Variants in UNC13C observed in about 807,000 individuals in gnomAD.
UNC13C encodes protein unc-13 homolog C.
Under a neutral mutation model 245.4 loss-of-function variants are expected in UNC13C, and 174 were observed. That is an observed-to-expected ratio of 0.71 (90% CI 0.63 to 0.80). The LOEUF (loss-of-function observed/expected upper bound fraction) is 0.80. Among genes scored for constraint, UNC13C ranks in the 30% least tolerant of loss-of-function variants. The pLI, the probability that UNC13C is intolerant of heterozygous loss-of-function variation, is 0.00. For synonymous variants in UNC13C, 992 were observed against 895.1 expected, an observed-to-expected ratio of 1.11 and a Z score of -1.93; for missense variants, 2,829 against 2,602.9, an observed-to-expected ratio of 1.09 and a Z score of -1.89.
chr15:54,569,016 G>C (rs1318040782), intron 30 of UNC13C, among the ~76,000 whole-genome samples: 3 of 152,126 alleles, frequency 2.0e-5, no homozygotes, highest in Non-Finnish European at 4.4e-5. Context: ...ATTGTCAAGA[G>C]ATGCAGAAAT....
chr15:54,480,535 A>G (rs941492829), intron 19 of UNC13C, among the ~76,000 whole-genome samples: 9 of 141,744 alleles, frequency 6.3e-5, no homozygotes, highest in Admixed American at 1.4e-4. Context: ...ATGTTTTTTC[A>G]TTCATTAAAT....
the UNC13C span, among the ~76,000 whole-genome samples, chr15:53,939,103 T>C: frequency 6.6e-6 from 1 of 151,232 alleles, no homozygotes; most frequent in East Asian, 2.0e-4. Context: ...CTAGATAGAC[T>C]AATAAGGAAA....
chr15:54,533,835 T>C (rs1489055811), intron 26 of UNC13C, among the ~76,000 whole-genome samples: 1 of 152,172 alleles, frequency 6.6e-6, no homozygotes, highest in African/African-American at 2.4e-5. Flanking sequence ...TTGGGAATCA[T>C]TGATCTAAAG....
At chr15:54,262,054 TA>T (rs1265926551) in intron 8 of UNC13C, among the ~76,000 whole-genome samples, 1 of 152,204 alleles carries the variant, frequency 6.6e-6, no homozygotes, top group African/African-American at 2.4e-5. Flanking sequence ...CTTTCCTAAT[TA>T]TTTTTTTAAT....
At chr15:53,880,404 T>C in the UNC13C span, among the ~76,000 whole-genome samples, 2 of 152,210 alleles carry the variant, frequency 1.3e-5, no homozygotes, top group Non-Finnish European at 2.9e-5. Flanking sequence ...TGCTTTGCAA[T>C]TGTTTTCTGA....
chr15:54,287,703 T>C (rs1342709825), intron 10 of UNC13C, among the ~76,000 whole-genome samples: 1 of 152,160 alleles, frequency 6.6e-6, no homozygotes, highest in Non-Finnish European at 1.5e-5. Context: ...AAGAACTTTG[T>C]CTAATGTCCA....
intron 2 of UNC13C, among the ~76,000 whole-genome samples, chr15:54,024,101 T>C (rs1283082868): frequency 6.6e-6 from 1 of 152,170 alleles, no homozygotes; most frequent in Non-Finnish European, 1.5e-5. Context: ...AATAGCTACA[T>C]CCAGTGGGGC....
intron 30 of UNC13C, among the ~76,000 whole-genome samples, chr15:54,589,237 GTTGA>G (rs1898643541): frequency 7.2e-6 from 1 of 138,600 alleles, no homozygotes; most frequent in Admixed American, 7.3e-5. Context: ...CATTAGTAAT[GTTGA>G]GCATTTTGTC....
intron 1 of UNC13C, among the ~76,000 whole-genome samples, chr15:53,991,982 T>C (rs567219922): frequency 9.9e-5 from 15 of 152,206 alleles, no homozygotes; most frequent in Non-Finnish European, 1.2e-4. Flanking sequence ...TCTGGCATTA[T>C]ATAGTATATT....
At chr15:53,842,620 G>A in the UNC13C span, among the ~76,000 whole-genome samples, 24 of 152,068 alleles carry the variant, frequency 1.6e-4, no homozygotes, top group Non-Finnish European at 2.9e-4. Flanking sequence ...TAGGTGGTAG[G>A]ATATAACTCT....
chr15:54,332,981 C>G (rs2038479440), intron 15 of UNC13C, among the ~76,000 whole-genome samples: 1 of 151,840 alleles, frequency 6.6e-6, no homozygotes, highest in Non-Finnish European at 1.5e-5. Context: ...AAGAGAACAA[C>G]CATTAAGCCA....
At position 54,100,650 on chromosome 15, in the gene UNC13C, C is replaced by T. The variant is rs534433582; in HGVS notation, c.2984-42368C>T. Among the ~76,000 whole-genome samples, 9 of 151,954 alleles carry T rather than the reference C, an allele frequency of 5.9e-5. No homozygotes were observed. The South Asian group carries it at 1.2e-3, about 21-fold the overall frequency. On this transcript the variant is annotated intron_variant, in intron 2 of 32. Transcript: ENST00000260323. ...TAGTACGTCTATATCCAGTTACCTA[C>T]GTGAGAGGTGTTGCATACACTTCTC...
chr15:54,475,340 G>T (rs1456173946), intron 19 of UNC13C, among the ~76,000 whole-genome samples: 3 of 149,432 alleles, frequency 2.0e-5, no homozygotes, highest in Non-Finnish European at 3.0e-5. Context: ...AAGTTTTAGG[G>T]TACATGTGCA....
intron 19 of UNC13C, among the ~76,000 whole-genome samples, chr15:54,478,006 A>G (rs1185006062): frequency 1.3e-5 from 2 of 150,120 alleles, no homozygotes; most frequent in Non-Finnish European, 3.0e-5. Flanking sequence ...TGGTCTATTC[A>G]GAGATTCATC....
At chr15:54,446,552 A>G (rs1343087894) in intron 19 of UNC13C, among the ~76,000 whole-genome samples, 1 of 152,144 alleles carries the variant, frequency 6.6e-6, no homozygotes. Flanking sequence ...TTCTCTTTGA[A>G]GCAGTTGTGA....
intron 13 of UNC13C, among the ~76,000 whole-genome samples, chr15:54,309,035 T>C (rs569267310): frequency 1.3e-5 from 2 of 152,012 alleles, no homozygotes; most frequent in African/African-American, 4.8e-5. Context: ...GTGGAAATAA[T>C]AGATTATATA....
intron 19 of UNC13C, among the ~76,000 whole-genome samples, chr15:54,488,094 A>G (rs1341461661): frequency 2.6e-5 from 4 of 152,140 alleles, no homozygotes; most frequent in Admixed American, 6.5e-5. Flanking sequence ...TATTTTTTCA[A>G]CTTCTAATTA....
intron 4 of UNC13C, among the ~76,000 whole-genome samples, chr15:54,216,505 C>T (rs1324145465): frequency 4.6e-5 from 7 of 151,790 alleles, no homozygotes; most frequent in African/African-American, 1.2e-4. Context: ...TTTAAAAAAT[C>T]GTTTATTGAC....
intron 4 of UNC13C, among the ~76,000 whole-genome samples, chr15:54,227,882 C>T (rs190309802): frequency 1.3e-4 from 20 of 152,302 alleles, no homozygotes; most frequent in East Asian, 5.8e-4. Flanking sequence ...AAGGCCCTGA[C>T]GCTCCACAAT....
Sources: gnomAD v4.1 joint callset for allele counts (sites outside exome capture counted in the v4.1 genomes callset) on GRCh38, gnomAD v4.1.1 for gene constraint, MANE v1.5 for transcripts, NCBI Gene and HGNC (gene_info 2026-07-23, HGNC 2026-07-21) for gene names.